WTAP: variants seen among roughly 807,000 people sequenced by gnomAD.
WTAP encodes the protein pre-mRNA-splicing regulator WTAP.
WTAP carries 8 observed loss-of-function variants against 50.0 expected under a neutral mutation model. The ratio of observed to expected loss-of-function variants is 0.16; its 90% CI spans 0.09 to 0.29. WTAP has a LOEUF of 0.29. Ranked by LOEUF, WTAP falls within the 10% of genes least tolerant of loss-of-function variation. The probability of loss-of-function intolerance (pLI) is 1.00; values close to 1 mark genes in which losing one functional copy is unlikely to be tolerated. For synonymous variants in WTAP, 194 were observed against 169.0 expected, an observed-to-expected ratio of 1.15 and a Z score of -1.15; for missense variants, 295 against 470.7, an observed-to-expected ratio of 0.63 and a Z score of 3.45.
intron 1 of WTAP, among the ~76,000 whole-genome samples, chr6:159,729,028 A>G (rs544801943): frequency 6.6e-6 from 1 of 152,322 alleles, no homozygotes; most frequent in East Asian, 1.9e-4. Context: ...TGTTTGCTGA[A>G]AATATTTTTG....
intron 6 of WTAP, among the ~76,000 whole-genome samples, chr6:159,749,714 G>A (rs1367512277): frequency 1.3e-5 from 2 of 152,148 alleles, no homozygotes; most frequent in Non-Finnish European, 2.9e-5. Context: ...TAATGTGTTG[G>A]AACTGTGGGC....
intron 3 of WTAP, chr6:159,741,884 G>C (rs973374722): frequency 7.0e-6 from 3 of 429,212 alleles, no homozygotes; most frequent in Non-Finnish European, 8.3e-6. Context: ...CAGGGACATC[G>C]CTTGAGCCCA....
At chr6:159,726,713 G>T (rs190862325), upstream of WTAP, 494 of 1,237,212 alleles carry the variant, frequency 4.0e-4, no homozygotes, top group Non-Finnish European at 4.7e-4. Context: ...CGGACACAGC[G>T]CAACCTCCGA....
chr6:159,740,221 G>T (rs1414340013), intron 3 of WTAP, among the ~76,000 whole-genome samples: 5 of 151,828 alleles, frequency 3.3e-5, no homozygotes, highest in Admixed American at 3.3e-4. Context: ...TGGTTAGTCT[G>T]TGCAGTCATT....
intron 3 of WTAP, among the ~76,000 whole-genome samples, chr6:159,740,409 T>C (rs1011417204): frequency 1.3e-5 from 2 of 152,248 alleles, no homozygotes; most frequent in African/African-American, 2.4e-5. Flanking sequence ...TTTTTCTCTT[T>C]GATTCCCTTG....
At chr6:159,749,426 G>GTTTTTTT (rs35594315) in intron 6 of WTAP, 1 of 817,452 alleles carries the variant, frequency 1.2e-6, no homozygotes, top group Non-Finnish European at 1.5e-6. Context: ...GAAATAGTTG[G>GTTTTTTT]TTTTTTTTTT....
chr6:159,729,129 C>G (rs1175860249), intron 1 of WTAP, among the ~76,000 whole-genome samples: 1 of 152,158 alleles, frequency 6.6e-6, no homozygotes, highest in African/African-American at 2.4e-5. Context: ...ACAATTTGTA[C>G]AGTACATTAA....
At chr6:159,747,101 A>G (rs1237250289) in intron 5 of WTAP, among the ~76,000 whole-genome samples, 3 of 152,208 alleles carry the variant, frequency 2.0e-5, no homozygotes, top group African/African-American at 7.2e-5. Flanking sequence ...TACTAAATTT[A>G]TATTAGAAAA....
At chr6:159,734,823 A>G (rs184107675) in intron 1 of WTAP, among the ~76,000 whole-genome samples, 141 of 152,278 alleles carry the variant, frequency 9.3e-4, no homozygotes, top group Non-Finnish European at 1.6e-3. Context: ...TATGTTTGTC[A>G]GGTTAGCTCT....
upstream of WTAP, chr6:159,726,997 G>A: frequency 7.9e-7 from 1 of 1,270,736 alleles, no homozygotes; most frequent in Non-Finnish European, 1.0e-6. Flanking sequence ...CCTTCGCCCA[G>A]ATCCCTCCGC....
At chr6:159,731,903 A>G (rs183112165) in intron 1 of WTAP, among the ~76,000 whole-genome samples, 2 of 152,186 alleles carry the variant, frequency 1.3e-5, no homozygotes, top group African/African-American at 4.8e-5. Flanking sequence ...ACAGATTATC[A>G]TCTCATTTTT....
In WTAP at chr6:159,753,644, G is replaced by T; in HGVS notation, c.607+30G>T. 3 of 1,580,062 alleles carry T rather than the reference G, an allele frequency of 1.9e-6. No homozygotes were observed. The South Asian group carries it at 3.5e-5, about 18-fold the overall frequency. Reference sequence around the variant, plus strand: ...GGGGTTTGTTTCTTTTTGGAACGTTGTCTCAACTTTGCATTGGCTTTTTAA... The same window carrying T: ...GGGGTTTGTTTCTTTTTGGAACGTTTTCTCAACTTTGCATTGGCTTTTTAA... On this transcript the variant is annotated intron_variant, in intron 7 of 7. Coordinates refer to ENST00000621533, the MANE Select transcript of WTAP (RefSeq NM_001270531.2).
At chr6:159,753,326 A>C in intron 6 of WTAP, 134 bp from the exon 7 acceptor site, 1 of 1,250,682 alleles carries the variant, frequency 8.0e-7, no homozygotes, top group Non-Finnish European at 1.1e-6. Context: ...CCAGAAAAGA[A>C]GATGGTAATT....
At chr6:159,744,462 G>A (rs1301625467) in intron 5 of WTAP, among the ~76,000 whole-genome samples, 2 of 152,110 alleles carry the variant, frequency 1.3e-5, no homozygotes, top group Admixed American at 6.5e-5. Flanking sequence ...CTTCTTATGT[G>A]TTATTAAAGT....
chr6:159,735,352 A>G (rs530599420), intron 1 of WTAP, among the ~76,000 whole-genome samples: 81 of 152,246 alleles, frequency 5.3e-4, no homozygotes, highest in South Asian at 3.5e-3. Context: ...TGTTGGCCAG[A>G]CTTGTCTTGA....
intron 1 of WTAP, among the ~76,000 whole-genome samples, chr6:159,733,924 A>AG (rs1300918613): frequency 6.6e-6 from 1 of 152,222 alleles, no homozygotes. Flanking sequence ...CTCCAAAAAA[A>AG]AAGATTAAAC....
intron 6 of WTAP, 48 bp from the exon 7 acceptor site, chr6:159,753,412 C>CAG: frequency 6.2e-7 from 1 of 1,613,348 alleles, no homozygotes; most frequent in East Asian, 2.2e-5. Context: ...TAAGCAAAGA[C>CAG]AGAGAGTTTT....
rs1262700405 is a variant in WTAP at position 159,731,467 on chromosome 6, CA to C, written c.-9+3771del. 9.9e-5 allele frequency among the ~76,000 whole-genome samples: 15 copies of C among 151,764 alleles called. No homozygotes were observed. The East Asian group carries it at 2.9e-3, about 29-fold the overall frequency. ...TGGGCGACAGAGTGAGACTCTGTCTCAAAAAAAGAGAGGAAAAAAAGAAAAT... is the reference window on the plus strand; with the variant it reads ...TGGGCGACAGAGTGAGACTCTGTCTCAAAAAAGAGAGGAAAAAAAGAAAAT... On this transcript the variant is annotated intron_variant, in intron 1 of 7. Coordinates refer to ENST00000621533, the MANE Select transcript of WTAP (RefSeq NM_001270531.2).
upstream of WTAP, chr6:159,726,778 AC>A: frequency 7.8e-7 from 1 of 1,289,048 alleles, no homozygotes; most frequent in Non-Finnish European, 1.0e-6. Flanking sequence ...GGAGGAACGA[AC>A]CCAGCGGCCA....
Sources: gnomAD v4.1 joint callset for allele counts (sites outside exome capture counted in the v4.1 genomes callset) on GRCh38, gnomAD v4.1.1 for gene constraint, MANE v1.5 for transcripts, NCBI Gene and HGNC (gene_info 2026-07-23, HGNC 2026-07-21) for gene names.